Variants in DLG2 observed in about 807,000 individuals in gnomAD.
DLG2 encodes discs large MAGUK scaffold protein 2.
In DLG2, 45 loss-of-function variants were observed where a neutral mutation model predicts 132.5. The observed-to-expected ratio is 0.34, with a 90% CI of 0.27 to 0.44. The LOEUF (loss-of-function observed/expected upper bound fraction) is 0.44. Ranked by LOEUF, DLG2 falls within the 20% of genes least tolerant of loss-of-function variation. DLG2 has a pLI of 1.00. For missense variants in DLG2, 1,045 were observed against 1,196.9 expected (o/e 0.87, Z 1.87); for synonymous variants, 424 against 419.6 (o/e 1.01, Z -0.13).
At chr11:85,286,260 G>A in intron 3 of DLG2, 1 of 271,286 alleles carries the variant, frequency 3.7e-6, no homozygotes, top group Non-Finnish European at 7.2e-6. Flanking sequence ...TGAATGGATG[G>A]TAGATGATGG....
chr11:83,785,300 C>T (rs575767533), intron 18 of DLG2, among the ~76,000 whole-genome samples: 4 of 152,128 alleles, frequency 2.6e-5, no homozygotes, highest in Non-Finnish European at 5.9e-5. Context: ...CTGATCCGCC[C>T]GTCTCAGCCT....
chr11:84,934,320 G>A (rs1301569072), intron 6 of DLG2, among the ~76,000 whole-genome samples: 1 of 151,596 alleles, frequency 6.6e-6, no homozygotes, highest in Non-Finnish European at 1.5e-5. Flanking sequence ...CAAGAATATT[G>A]GCCTGAAGTT....
intron 6 of DLG2, among the ~76,000 whole-genome samples, chr11:84,943,671 T>C (rs1362733934): frequency 6.6e-6 from 1 of 152,226 alleles, no homozygotes; most frequent in Non-Finnish European, 1.5e-5. Flanking sequence ...TTATTGTTTC[T>C]ATTTATATCA....
intron 3 of DLG2, among the ~76,000 whole-genome samples, chr11:85,388,114 C>A (rs529982926): frequency 1.3e-5 from 2 of 152,206 alleles, no homozygotes; most frequent in East Asian, 3.9e-4. Flanking sequence ...GTGGGGGCCA[C>A]AGTGGGAGTG....
At chr11:85,151,419 G>A (rs1390395467) in intron 5 of DLG2, among the ~76,000 whole-genome samples, 1 of 150,474 alleles carries the variant, frequency 6.6e-6, no homozygotes, top group Admixed American at 6.6e-5. Context: ...TGTGCTTCTG[G>A]TGTCATATTC....
chr11:85,300,426 T>C (rs2079516995), intron 3 of DLG2, among the ~76,000 whole-genome samples: 1 of 151,956 alleles, frequency 6.6e-6, no homozygotes, highest in African/African-American at 2.4e-5. Context: ...GTAAATGGAA[T>C]CACTACAGGA....
intron 27 of DLG2, 93 bp downstream of exon 27, chr11:83,461,909 G>C: frequency 1.2e-6 from 1 of 831,970 alleles, no homozygotes; most frequent in Non-Finnish European, 2.1e-6. Context: ...GAAGGTTTTA[G>C]GGCACAAGTA....
At chr11:83,805,370 A>G (rs1023218796) in intron 17 of DLG2, among the ~76,000 whole-genome samples, 2 of 151,392 alleles carry the variant, frequency 1.3e-5, no homozygotes, top group African/African-American at 4.8e-5. Context: ...TATATATATA[A>G]TTTTTCTCTA....
intron 14 of DLG2, among the ~76,000 whole-genome samples, chr11:83,943,236 C>G (rs1235936394): frequency 1.3e-5 from 2 of 152,128 alleles, no homozygotes; most frequent in Non-Finnish European, 2.9e-5. Flanking sequence ...AGTTGTACCC[C>G]TTAAATATAT....
intron 6 of DLG2, among the ~76,000 whole-genome samples, chr11:84,584,337 T>C (rs1433409964): frequency 6.6e-6 from 1 of 152,080 alleles, no homozygotes; most frequent in African/African-American, 2.4e-5. Context: ...TTTGATGATG[T>C]CTATTGAACA....
At chr11:83,506,208 CATCTTTTA>C (rs2094691828) in intron 21 of DLG2, among the ~76,000 whole-genome samples, 1 of 152,124 alleles carries the variant, frequency 6.6e-6, no homozygotes, top group Admixed American at 6.6e-5. Flanking sequence ...CACAGTGGGC[CATCTTTTA>C]ATCCATATTT....
intron 7 of DLG2, among the ~76,000 whole-genome samples, chr11:84,426,210 C>T (rs1200370445): frequency 3.9e-5 from 6 of 152,030 alleles, no homozygotes; most frequent in Non-Finnish European, 7.4e-5. Flanking sequence ...ATCTTAGTGG[C>T]GCATGAAGCC....
At chr11:85,373,343 C>T (rs1265120886) in intron 3 of DLG2, among the ~76,000 whole-genome samples, 1 of 152,142 alleles carries the variant, frequency 6.6e-6, no homozygotes, top group Admixed American at 6.5e-5. Context: ...ACAACTGGAG[C>T]CTCAGATGAT....
At chr11:84,016,168 C>T (rs1312672171) in intron 11 of DLG2, among the ~76,000 whole-genome samples, 1 of 152,038 alleles carries the variant, frequency 6.6e-6, no homozygotes, top group Non-Finnish European at 1.5e-5. Context: ...TTGTTGGCCA[C>T]ACCTCTGTCT....
chr11:85,294,228 A>C (rs575020088), intron 3 of DLG2, among the ~76,000 whole-genome samples: 1 of 152,160 alleles, frequency 6.6e-6, no homozygotes, highest in African/African-American at 2.4e-5. Flanking sequence ...AGTGACTACT[A>C]TTCTTATAAC....
intron 11 of DLG2, among the ~76,000 whole-genome samples, chr11:84,045,982 A>G (rs1234154606): frequency 6.6e-6 from 1 of 151,578 alleles, no homozygotes; most frequent in African/African-American, 2.4e-5. Context: ...TATAGAAAAA[A>G]AAATCCAGTG....
chr11:85,523,719 C>G (rs1295729243), intron 3 of DLG2, among the ~76,000 whole-genome samples: 2 of 152,140 alleles, frequency 1.3e-5, no homozygotes, highest in Admixed American at 6.5e-5. Flanking sequence ...TCCAGACATC[C>G]CACTGCTGGG....
intron 18 of DLG2, among the ~76,000 whole-genome samples, chr11:83,774,870 G>A (rs1030725571): frequency 1.3e-5 from 2 of 152,080 alleles, no homozygotes; most frequent in Admixed American, 6.5e-5. Flanking sequence ...AAGACTCTCT[G>A]GCACAGAGAG....
intron 6 of DLG2, among the ~76,000 whole-genome samples, chr11:84,942,843 T>C (rs2049640133): frequency 6.6e-6 from 1 of 152,198 alleles, no homozygotes; most frequent in South Asian, 2.1e-4. Flanking sequence ...TATTACTGTA[T>C]TGAGATTTTT....
Sources: gnomAD v4.1 joint callset for allele counts (sites outside exome capture counted in the v4.1 genomes callset) on GRCh38, gnomAD v4.1.1 for gene constraint, MANE v1.5 for transcripts, NCBI Gene and HGNC (gene_info 2026-07-23, HGNC 2026-07-21) for gene names.